The following CACNA1E variants were observed in gnomAD, a reference collection of about 807,000 sequenced individuals.
The protein encoded by CACNA1E is voltage-dependent R-type calcium channel subunit alpha-1E.
A neutral mutation model predicts 259.2 loss-of-function variants in CACNA1E; 40 were observed. The observed-to-expected ratio is 0.15, with a 90% CI of 0.12 to 0.20. The LOEUF is 0.20. Ranked by LOEUF, CACNA1E falls within the 10% of genes least tolerant of loss-of-function variation. CACNA1E has a pLI of 1.00. For synonymous variants in CACNA1E, 1,104 were observed against 1,138.5 expected (o/e 0.97, Z 0.61); for missense variants, 1,874 against 3,040.1 (o/e 0.62, Z 9.02).
At chr1:181,503,186 C>T (rs1665412364) in intron 1 of CACNA1E, among the ~76,000 whole-genome samples, 1 of 152,234 alleles carries the variant, frequency 6.6e-6, no homozygotes, top group South Asian at 2.1e-4. Flanking sequence ...GGTCTTATGT[C>T]TTCGGCATTA....
chr1:181,438,223 C>T (rs1373623021), intron 2 of CACNA1E, among the ~76,000 whole-genome samples: 1 of 152,206 alleles, frequency 6.6e-6, no homozygotes, highest in Non-Finnish European at 1.5e-5. Context: ...CGGCCACTTC[C>T]ACCCACTGCT....
intron 1 of CACNA1E, among the ~76,000 whole-genome samples, chr1:181,487,199 G>A (rs910670285): frequency 6.6e-6 from 1 of 152,176 alleles, no homozygotes; most frequent in Non-Finnish European, 1.5e-5. Context: ...GGACGAGGGG[G>A]ATAATGTACA....
rs56894868 is a variant in CACNA1E, at chr1:181,582,378, C to T, written c.951+1602C>T. ...TTGAGATGTAAAGGTTGTCTTGAGGCCATGCCACTCAAATTAGCCAGGCAC... is the reference window on the plus strand; with the variant it reads ...TTGAGATGTAAAGGTTGTCTTGAGGTCATGCCACTCAAATTAGCCAGGCAC... On this transcript the variant is annotated intron_variant, in intron 6 of 47. Transcript: ENST00000367573. 7.0e-3 allele frequency among the ~76,000 whole-genome samples: 1,062 copies of T among 152,306 alleles called. 17 individuals are homozygous for T. The highest frequency in any genetic ancestry group is 0.024 in the African/African-American group (1,012 of 41,554).
chr1:181,532,459 A>G (rs1572124040), intron 3 of CACNA1E, among the ~76,000 whole-genome samples: 1 of 152,218 alleles, frequency 6.6e-6, no homozygotes, highest in East Asian at 1.9e-4. Context: ...TACAAAGGTC[A>G]AGCTTCTCCC....
intron 7 of CACNA1E, among the ~76,000 whole-genome samples, chr1:181,681,199 A>G (rs1230142361): frequency 6.6e-6 from 1 of 152,170 alleles, no homozygotes; most frequent in Admixed American, 6.5e-5. Flanking sequence ...GTGATTGCCT[A>G]CCACTGCTCT....
At chr1:181,600,454 C>T (rs550400484) in intron 6 of CACNA1E, among the ~76,000 whole-genome samples, 18 of 152,236 alleles carry the variant, frequency 1.2e-4, no homozygotes, top group Non-Finnish European at 2.4e-4. Flanking sequence ...AGAGTGGAGG[C>T]GGGCAGCTGG....
chr1:181,422,916 AG>A (rs1658862957), intron 2 of CACNA1E, among the ~76,000 whole-genome samples: 1 of 152,200 alleles, frequency 6.6e-6, no homozygotes, highest in Admixed American at 6.5e-5. Flanking sequence ...CAACTTTGAA[AG>A]GATTAGAGTC....
chr1:181,606,713 A>G (rs1168277872), intron 6 of CACNA1E, among the ~76,000 whole-genome samples: 1 of 152,240 alleles, frequency 6.6e-6, no homozygotes, highest in Non-Finnish European at 1.5e-5. Context: ...GGCCTCTGCC[A>G]GCCTTTCCAG....
At chr1:181,643,912 T>C (rs1658026606) in intron 6 of CACNA1E, among the ~76,000 whole-genome samples, 1 of 152,102 alleles carries the variant, frequency 6.6e-6, no homozygotes, top group South Asian at 2.1e-4. Flanking sequence ...CCTCCAGAGA[T>C]TGTTTGTGTG....
intron 2 of CACNA1E, among the ~76,000 whole-genome samples, chr1:181,433,261 C>A (rs1345102812): frequency 2.6e-5 from 4 of 152,192 alleles, no homozygotes; most frequent in Non-Finnish European, 4.4e-5. Context: ...GAGGGCCACC[C>A]CCACTCCATG....
rs532804600 is a variant in CACNA1E, at chr1:181,598,084, C to T, written c.951+17308C>T. ...GTAGAAAGCCCAACTGGAACCTTGTCTTGTGAGCTAGAAAAGCCCAGGCTG... is the reference window on the plus strand; with the variant it reads ...GTAGAAAGCCCAACTGGAACCTTGTTTTGTGAGCTAGAAAAGCCCAGGCTG... On this transcript the variant is annotated intron_variant, in intron 6 of 47. Coordinates refer to ENST00000367573, the MANE Select transcript of CACNA1E (RefSeq NM_001205293.3). 1.4e-4 allele frequency among the ~76,000 whole-genome samples: 22 copies of T among 152,344 alleles called. No homozygotes were observed. The South Asian group carries it at 4.1e-3, about 29-fold the overall frequency.
intron 7 of CACNA1E, among the ~76,000 whole-genome samples, chr1:181,707,781 G>T (rs1422241703): frequency 2.0e-5 from 3 of 151,964 alleles, no homozygotes; most frequent in Admixed American, 6.6e-5. Flanking sequence ...CTGGATATTT[G>T]TCATTAAAAA....
chr1:181,322,550 T>A (rs1421074050), intron 1 of CACNA1E, among the ~76,000 whole-genome samples: 1 of 152,226 alleles, frequency 6.6e-6, no homozygotes, highest in African/African-American at 2.4e-5. Flanking sequence ...ACCTTTCTCA[T>A]TGTAACCTGG....
At chr1:181,753,460 G>A (rs1657779647) in intron 27 of CACNA1E, among the ~76,000 whole-genome samples, 1 of 152,212 alleles carries the variant, frequency 6.6e-6, no homozygotes, top group African/African-American at 2.4e-5. Context: ...GAAGCTATAT[G>A]ACCCAGGGCA....
At chr1:181,521,624 T>G (rs937530454) in intron 3 of CACNA1E, among the ~76,000 whole-genome samples, 2 of 152,194 alleles carry the variant, frequency 1.3e-5, no homozygotes, top group African/African-American at 4.8e-5. Context: ...TGGATGGAGA[T>G]ATAGCCTCTA....
intron 3 of CACNA1E, among the ~76,000 whole-genome samples, chr1:181,536,881 T>C (rs6424814): frequency 0.34 from 50,805 of 151,578 alleles, 9,116 homozygotes; most frequent in African/African-American, 0.44. Flanking sequence ...TTTTGCTGCC[T>C]GGTCTGAGGG....
chr1:181,570,919 G>A (rs1236164813), intron 3 of CACNA1E, among the ~76,000 whole-genome samples: 2 of 152,274 alleles, frequency 1.3e-5, no homozygotes, highest in African/African-American at 4.8e-5. Context: ...CCCCAACAAG[G>A]TTTCTGCTTT....
rs544164281 is a variant in CACNA1E at position 181,458,822 on chromosome 1, TACCC to T, written c.435-24920_435-24917del. On this transcript the variant is annotated intron_variant, in intron 2 of 11. Coordinates refer to the CACNA1E transcript ENST00000524607. Reference sequence around the variant, plus strand: ...CATGATACATTTTAAATCATTTATTTACCCATCCATCCATCCATCCATCCATCCA... The same window carrying T: ...CATGATACATTTTAAATCATTTATTTATCCATCCATCCATCCATCCATCCA... Among the ~76,000 whole-genome samples, 425 of 136,770 alleles carry T rather than the reference TACCC, an allele frequency of 3.1e-3. 4 individuals carry two copies. The highest frequency in any genetic ancestry group is 0.011 in the African/African-American group (381 of 36,092). The allele number at this position is 136,770 out of a possible 152,430, so 89.7% of individuals were successfully genotyped here.
chr1:181,781,591 C>T, intron 39 of CACNA1E, 68 bp downstream of exon 39: 1 of 840,894 alleles, frequency 1.2e-6, no homozygotes, highest in East Asian at 2.6e-5. Context: ...GTGGGGAGGC[C>T]AGAACATGGG....
Sources: gnomAD v4.1 joint callset for allele counts (sites outside exome capture counted in the v4.1 genomes callset) on GRCh38, gnomAD v4.1.1 for gene constraint, MANE v1.5 for transcripts, NCBI Gene and HGNC (gene_info 2026-07-23, HGNC 2026-07-21) for gene names.